MDGA2: variants seen among roughly 807,000 people sequenced by gnomAD.
MDGA2 encodes MAM domain containing glycosylphosphatidylinositol anchor 2.
In MDGA2, 40 loss-of-function variants were observed where a neutral mutation model predicts 117.8. The ratio of observed to expected loss-of-function variants is 0.34; its 90% CI spans 0.26 to 0.44. MDGA2 has a LOEUF of 0.44. Among genes scored for constraint, MDGA2 ranks in the 20% least tolerant of loss-of-function variants. MDGA2 has a pLI of 1.00. For synonymous variants in MDGA2, 452 were observed against 439.0 expected (o/e 1.03, Z -0.37); for missense variants, 1,123 against 1,250.6 (o/e 0.90, Z 1.54).
chr14:46,998,019 G>C (rs954190371), intron 8 of MDGA2, among the ~76,000 whole-genome samples: 1 of 150,034 alleles, frequency 6.7e-6, no homozygotes, highest in African/African-American at 2.5e-5. Context: ...AATATCATCA[G>C]AAAAAAAATA....
chr14:47,377,229 A>G (rs1891498447), intron 1 of MDGA2, among the ~76,000 whole-genome samples: 1 of 152,150 alleles, frequency 6.6e-6, no homozygotes, highest in African/African-American at 2.4e-5. Context: ...CTGAAGAAAA[A>G]TATACTGGAT....
Position 46,877,521 on chromosome 14 carries a change from G to A in MDGA2, c.2417-12C>T. 6.6e-7 allele frequency: 1 copy of A among 1,517,152 alleles called. No individual in the cohort carries two copies. The highest frequency in any genetic ancestry group is 1.2e-5 in the South Asian group (1 of 81,970). 94.0% of individuals were successfully genotyped at this position (1,517,152 alleles called of 1,614,324 possible). On this transcript the variant is annotated splice_polypyrimidine_tract_variant and intron_variant, in intron 11 of 16. Transcript: ENST00000399232. ...AGGATTTACAGGAGCTACAAGAAAA[G>A]CAAAAGAAACAAACAAACAAAAAAA...
chr14:47,658,153 C>T (rs1174582746), intron 1 of MDGA2, among the ~76,000 whole-genome samples: 3 of 150,570 alleles, frequency 2.0e-5, no homozygotes. Context: ...AAAAGACAAG[C>T]AGGCAAAGAA....
chr14:47,468,180 A>G (rs1303403243), intron 1 of MDGA2, among the ~76,000 whole-genome samples: 2 of 152,146 alleles, frequency 1.3e-5, no homozygotes, highest in Admixed American at 1.3e-4. Flanking sequence ...AGTGACATAG[A>G]CAGTCTTAGG....
Position 47,544,614 on chromosome 14 carries a change from T to A in MDGA2, c.280+129903A>T, listed in dbSNP as rs181349480. ...GTTGGTTTATTTTTTGTACAGAGGGTAGTCACTGATGGGTCCAGAGGAGTA... is the reference window on the plus strand; with the variant it reads ...GTTGGTTTATTTTTTGTACAGAGGGAAGTCACTGATGGGTCCAGAGGAGTA... On this transcript the variant is annotated intron_variant, in intron 1 of 16. Coordinates refer to ENST00000399232, the MANE Select transcript of MDGA2 (RefSeq NM_001113498.3). 2.0e-5 allele frequency among the ~76,000 whole-genome samples: 3 copies of A among 152,232 alleles called. No homozygotes were observed. In the East Asian group the frequency reaches 5.8e-4, roughly 29 times the overall value.
At chr14:46,844,581 CA>C (rs547541073) in intron 16 of MDGA2, among the ~76,000 whole-genome samples, 23 of 144,938 alleles carry the variant, frequency 1.6e-4, no homozygotes, top group East Asian at 1.0e-3. Flanking sequence ...AACTCCGTCT[CA>C]AAAAAAAAAA....
chr14:47,603,110 C>A (rs12587950), intron 1 of MDGA2, among the ~76,000 whole-genome samples: 7,618 of 152,164 alleles, frequency 0.05, 615 homozygotes, highest in East Asian at 0.42. Context: ...ATAATCTACC[C>A]CAATAAGAAT....
rs892155190 is a variant in MDGA2 at position 46,860,996 on chromosome 14, T to C, written c.2753-5842A>G. 9.2e-5 allele frequency among the ~76,000 whole-genome samples: 14 copies of C among 152,000 alleles called. No individual in the cohort carries two copies. In the East Asian group the frequency reaches 2.1e-3, roughly 23 times the overall value. On this transcript the variant is annotated intron_variant, in intron 14 of 16. Transcript: ENST00000399232. Reference sequence around the variant, plus strand: ...GAACCTCATGTTTTTCCTCTCTCCATTTTCTTCCTCTTTATTCATTCTTGA... The same window carrying C: ...GAACCTCATGTTTTTCCTCTCTCCACTTTCTTCCTCTTTATTCATTCTTGA...
chr14:47,273,422 T>C (rs1888211076), intron 2 of MDGA2, among the ~76,000 whole-genome samples: 2 of 152,162 alleles, frequency 1.3e-5, no homozygotes, highest in Non-Finnish European at 2.9e-5. Flanking sequence ...AAACTCACAA[T>C]GTTTGAAAAG....
intron 1 of MDGA2, among the ~76,000 whole-genome samples, chr14:47,396,865 G>A (rs907420136): frequency 7.2e-5 from 11 of 152,152 alleles, no homozygotes; most frequent in East Asian, 1.9e-4. Context: ...GGAGAAATAA[G>A]AATGCTTTTA....
chr14:46,941,110 T>G (rs901973106), intron 9 of MDGA2, among the ~76,000 whole-genome samples: 6 of 152,198 alleles, frequency 3.9e-5, no homozygotes, highest in Non-Finnish European at 8.8e-5. Flanking sequence ...ACTGCTCTTA[T>G]CACCTTGCAA....
intron 3 of MDGA2, among the ~76,000 whole-genome samples, chr14:47,207,069 C>G (rs1885710928): frequency 6.6e-6 from 1 of 152,026 alleles, no homozygotes; most frequent in Admixed American, 6.6e-5. Flanking sequence ...ACACGTGTTT[C>G]TCATACCCTA....
chr14:47,044,374 C>G (rs1262364904), intron 7 of MDGA2, among the ~76,000 whole-genome samples: 1 of 152,080 alleles, frequency 6.6e-6, no homozygotes. Flanking sequence ...ATTGGAAGCA[C>G]TTGGTAATAT....
intron 1 of MDGA2, among the ~76,000 whole-genome samples, chr14:47,656,980 C>T (rs1897756813): frequency 6.6e-6 from 1 of 152,130 alleles, no homozygotes; most frequent in South Asian, 2.1e-4. Context: ...TTTCAGGATA[C>T]TTACTCTTAG....
intron 5 of MDGA2, among the ~76,000 whole-genome samples, chr14:47,102,389 ACACAAAC>A (rs773063446): frequency 4.7e-5 from 7 of 148,424 alleles, no homozygotes; most frequent in African/African-American, 1.5e-4. Context: ...ACACACACAC[ACACAAAC>A]ACACACACAC....
chr14:47,008,791 A>G (rs1036303239), intron 8 of MDGA2, among the ~76,000 whole-genome samples: 3 of 151,984 alleles, frequency 2.0e-5, no homozygotes, highest in Admixed American at 6.6e-5. Flanking sequence ...TCATTCTATC[A>G]GATCTCACAC....
chr14:47,054,985 C>T (rs1163478774), intron 7 of MDGA2, among the ~76,000 whole-genome samples: 3 of 128,284 alleles, frequency 2.3e-5, no homozygotes, highest in Admixed American at 8.6e-5. Flanking sequence ...CCCCGTTGTC[C>T]AATTTTTTTT....
chr14:47,139,221 A>T (rs932587454), intron 4 of MDGA2, among the ~76,000 whole-genome samples: 3 of 152,104 alleles, frequency 2.0e-5, no homozygotes, highest in African/African-American at 7.2e-5. Flanking sequence ...ATATATACCC[A>T]GTATGACTTC....
chr14:47,180,074 T>C (rs1013288820), intron 3 of MDGA2, among the ~76,000 whole-genome samples: 1 of 152,142 alleles, frequency 6.6e-6, no homozygotes, highest in Non-Finnish European at 1.5e-5. Context: ...TGCAGGTTTG[T>C]CACATAGGTA....
Sources: gnomAD v4.1 joint callset for allele counts (sites outside exome capture counted in the v4.1 genomes callset) on GRCh38, gnomAD v4.1.1 for gene constraint, MANE v1.5 for transcripts, NCBI Gene and HGNC (gene_info 2026-07-23, HGNC 2026-07-21) for gene names.